The following SLC22A2 variants were observed in gnomAD, a reference collection of about 807,000 sequenced individuals.
SLC22A2 encodes organic cation transporter 2.
Under a neutral mutation model 60.5 loss-of-function variants are expected in SLC22A2, and 46 were observed. That is an observed-to-expected ratio of 0.76 (90% CI 0.60 to 0.97). The LOEUF (loss-of-function observed/expected upper bound fraction) is 0.97. Ranked by LOEUF, SLC22A2 falls within the 50% of genes least tolerant of loss-of-function variation. The pLI is 0.00. For missense variants in SLC22A2, 701 were observed against 706.6 expected (o/e 0.99, Z 0.09); for synonymous variants, 303 against 267.0 (o/e 1.13, Z -1.31).
At chr6:160,228,924 G>A (rs977602740) in intron 9 of SLC22A2, among the ~76,000 whole-genome samples, 2 of 151,370 alleles carry the variant, frequency 1.3e-5, no homozygotes, top group Admixed American at 6.6e-5. Context: ...CTATAAAACG[G>A]CCCCACCCCT....
chr6:160,231,838 G>A lies in SLC22A2; in HGVS notation c.1502-7034C>T, dbSNP rs117665036. Among the ~76,000 whole-genome samples the A allele has an allele frequency of 1.2e-4, 18 of 151,930 alleles. No homozygotes were observed. In the East Asian group the frequency reaches 1.5e-3, roughly 13 times the overall value. On this transcript the variant is annotated intron_variant, in intron 9 of 10. Transcript: ENST00000366953. Reference sequence around the variant, plus strand: ...AAAGCTGCTCCTATGCTGGCTCTCCGTAACTCTTCACTCCCTTTTCATTAC... The same window carrying A: ...AAAGCTGCTCCTATGCTGGCTCTCCATAACTCTTCACTCCCTTTTCATTAC...
At chr6:160,244,098 A>AT in intron 6 of SLC22A2, 1 of 250,686 alleles carries the variant, frequency 4.0e-6, no homozygotes. Flanking sequence ...TTATTTATTT[A>AT]TTTTTTGAGA....
At chr6:160,229,138 C>A (rs964739988) in intron 9 of SLC22A2, among the ~76,000 whole-genome samples, 1 of 151,836 alleles carries the variant, frequency 6.6e-6, no homozygotes, top group Non-Finnish European at 1.5e-5. Context: ...AAAGATCCAC[C>A]TATGACCTCT....
At chr6:160,236,775 A>G (rs1782918737) in intron 9 of SLC22A2, among the ~76,000 whole-genome samples, 1 of 152,102 alleles carries the variant, frequency 6.6e-6, no homozygotes, top group African/African-American at 2.4e-5. Context: ...CAGACCCAGG[A>G]GCCTGAGTTA....
intron 9 of SLC22A2, among the ~76,000 whole-genome samples, chr6:160,226,927 T>A (rs1782733894): frequency 6.6e-6 from 1 of 152,052 alleles, no homozygotes; most frequent in African/African-American, 2.4e-5. Flanking sequence ...GTGTTAACAT[T>A]AAAACATATC....
At position 160,217,344 on chromosome 6, in the gene SLC22A2, T is replaced by C. The variant is rs1346774927; in HGVS notation, c.*88A>G. 1.3e-6 allele frequency: 1 copy of C among 798,230 alleles called. No homozygotes were observed. Among genetic ancestry groups the C allele is most frequent in the East Asian group, 2.5e-5 (1 of 39,936 alleles). The allele number at this position is 798,230 out of a possible 1,614,324, so 49.4% of individuals were successfully genotyped here. A position where few individuals can be genotyped will look rare whatever the true frequency, so the allele number is the denominator to read the frequency against. ...CTCAGGGGTAAGTTTGGTTGAGTTG[T>C]ATGGGCTTTGTGATGAGTGCAGGGA... is the stretch of plus-strand genomic sequence containing the variant. On this transcript the variant is annotated 3_prime_UTR_variant, in exon 11 of 11. Coordinates refer to ENST00000366953, the MANE Select transcript of SLC22A2 (RefSeq NM_003058.4).
At chr6:160,232,678 T>G (rs1782844008) in intron 9 of SLC22A2, among the ~76,000 whole-genome samples, 1 of 151,828 alleles carries the variant, frequency 6.6e-6, no homozygotes, top group South Asian at 2.1e-4. Context: ...AGGACAATGC[T>G]TATGCTCATA....
chr6:160,252,575 A>G (rs921960662), intron 2 of SLC22A2, among the ~76,000 whole-genome samples: 10 of 152,190 alleles, frequency 6.6e-5, no homozygotes, highest in Admixed American at 4.6e-4. Flanking sequence ...AAACAATCAG[A>G]AGAAACAGGA....
At chr6:160,241,943 A>T (rs1482124455) in intron 8 of SLC22A2, among the ~76,000 whole-genome samples, 1 of 151,578 alleles carries the variant, frequency 6.6e-6, no homozygotes, top group African/African-American at 2.4e-5. Flanking sequence ...TAAACCTTAA[A>T]TTTTTTTTTA....
chr6:160,245,560 A>G lies in SLC22A2; in HGVS notation c.958-15T>C. 6.5e-7 allele frequency: 1 copy of G among 1,533,826 alleles called. No homozygotes were observed. The highest frequency in any genetic ancestry group is 9.0e-7 in the Non-Finnish European group (1 of 1,110,372). ...AGTCTCAGGCGCTAAGAAAAGGAAT[A>G]GAAAGGACGGCTTTGTATATTTAAT... On this transcript the variant is annotated splice_polypyrimidine_tract_variant and intron_variant, in intron 5 of 10. Transcript: ENST00000366953.
chr6:160,248,388 C>G (rs545513813), intron 4 of SLC22A2, among the ~76,000 whole-genome samples: 2 of 152,180 alleles, frequency 1.3e-5, no homozygotes, highest in African/African-American at 4.8e-5. Flanking sequence ...TTTAAGTACC[C>G]GGTCCATGGC....
chr6:160,236,838 T>C (rs371420368), intron 9 of SLC22A2, among the ~76,000 whole-genome samples: 1 of 72,464 alleles, frequency 1.4e-5, no homozygotes, highest in Non-Finnish European at 3.7e-5. Context: ...TATTAGAGGG[T>C]ACAAACCCAT....
At chr6:160,242,746 G>C (rs1783031310) in intron 7 of SLC22A2, among the ~76,000 whole-genome samples, 1 of 151,832 alleles carries the variant, frequency 6.6e-6, no homozygotes, top group Admixed American at 6.6e-5. Flanking sequence ...TCTCCACAGA[G>C]TGGTATGTTT....
chr6:160,217,991 T>C (rs923628534), intron 10 of SLC22A2: 2 of 160,012 alleles, frequency 1.2e-5, no homozygotes, highest in Non-Finnish European at 2.7e-5. Context: ...AGGACATTGC[T>C]GATATTCATC....
intron 9 of SLC22A2, among the ~76,000 whole-genome samples, chr6:160,229,636 G>C (rs901401420): frequency 1.3e-5 from 2 of 151,154 alleles, no homozygotes; most frequent in Admixed American, 1.3e-4. Context: ...ACACTTTTCT[G>C]GGGGGCAAGC....
chr6:160,256,790 T>C, intron 1 of SLC22A2, 73 bp from the exon 2 acceptor site: 1 of 969,156 alleles, frequency 1.0e-6, no homozygotes, highest in Non-Finnish European at 1.7e-6. Context: ...CTGTTGGACA[T>C]AACTCAGCTA....
intron 9 of SLC22A2, among the ~76,000 whole-genome samples, chr6:160,230,322 G>T (rs898843830): frequency 6.6e-6 from 1 of 151,826 alleles, no homozygotes. Context: ...CGTAGTCAAG[G>T]TTAATGTTCC....
chr6:160,246,564 T>C (rs917942637), intron 5 of SLC22A2, among the ~76,000 whole-genome samples: 3 of 151,962 alleles, frequency 2.0e-5, no homozygotes, highest in Non-Finnish European at 4.4e-5. Flanking sequence ...CTAGCCAACA[T>C]GGCGAAACTC....
At chr6:160,243,425 G>T in intron 7 of SLC22A2, 147 bp downstream of exon 7, 1 of 650,060 alleles carries the variant, frequency 1.5e-6, no homozygotes, top group Non-Finnish European at 2.7e-6. Flanking sequence ...ATATGAATTT[G>T]CTCAGAAGGG....
Sources: gnomAD v4.1 joint callset for allele counts (sites outside exome capture counted in the v4.1 genomes callset) on GRCh38, gnomAD v4.1.1 for gene constraint, MANE v1.5 for transcripts, NCBI Gene and HGNC (gene_info 2026-07-23, HGNC 2026-07-21) for gene names.